CR1L: variants seen among roughly 807,000 people sequenced by gnomAD.
The protein encoded by CR1L is complement C3b/C4b receptor 1 like.
Under a neutral mutation model 62.3 loss-of-function variants are expected in CR1L, and 59 were observed. That is an observed-to-expected ratio of 0.95 (90% CI 0.77 to 1.18). CR1L has a LOEUF of 1.18. CR1L is among the 50% of genes most tolerant of loss of function. The pLI is 0.00. For missense variants in CR1L, 700 were observed against 702.8 expected, an observed-to-expected ratio of 1.00 and a Z score of 0.04; for synonymous variants, 279 against 248.7, an observed-to-expected ratio of 1.12 and a Z score of -1.15.
chr1:207,704,421 T>C lies in CR1L; in HGVS notation c.1328+2803T>C, dbSNP rs867609319. Among the ~76,000 whole-genome samples the C allele has an allele frequency of 3.9e-5, 6 of 152,314 alleles. 1 individual carries two copies. In the Middle Eastern group the frequency reaches 0.014, roughly 345 times the overall value. ...TAAAATGACCACAAATTTAGAATATTACATAAACTAAGTTGATAAAGCAGC... is the reference window on the plus strand; with the variant it reads ...TAAAATGACCACAAATTTAGAATATCACATAAACTAAGTTGATAAAGCAGC... On this transcript the variant is annotated intron_variant, in intron 9 of 11. Transcript: ENST00000508064.
At position 207,723,541 on chromosome 1, in the gene CR1L, T is replaced by A. The variant is rs1654184186; in HGVS notation, c.1643-77T>A. ...GTCCTGAATAAAAATCAGGATAAAT[T>A]GTCACTGGCTGAGAAGTCCTGTTCA... On this transcript the variant is annotated intron_variant, in intron 11 of 11. Transcript: ENST00000508064. The A allele has an allele frequency of 2.5e-6, 3 of 1,217,912 alleles. No individual in the cohort carries two copies. In the East Asian group the frequency reaches 7.5e-5, roughly 30 times the overall value. The allele number at this position is 1,217,912 out of a possible 1,614,324, so 75.4% of individuals were successfully genotyped here.
intron 1 of CR1L, among the ~76,000 whole-genome samples, chr1:207,656,378 G>C (rs1663310838): frequency 6.6e-6 from 1 of 152,218 alleles, no homozygotes; most frequent in African/African-American, 2.4e-5. Context: ...TTCTCAGCTA[G>C]CGCTCAGTTA....
chr1:207,662,711 A>G (rs112650531), intron 1 of CR1L, among the ~76,000 whole-genome samples: 12,427 of 152,190 alleles, frequency 0.082, 704 homozygotes, highest in Admixed American at 0.14. Flanking sequence ...CCTTTGGAGG[A>G]GGAGAAGCGC....
intron 9 of CR1L, among the ~76,000 whole-genome samples, chr1:207,703,992 A>G (rs776565539): frequency 2.0e-5 from 3 of 152,168 alleles, no homozygotes. Flanking sequence ...AAAAAAATAC[A>G]TTTTGTAAGG....
At chr1:207,699,968 C>T (rs1664166253) in intron 8 of CR1L, among the ~76,000 whole-genome samples, 1 of 152,066 alleles carries the variant, frequency 6.6e-6, no homozygotes, top group Non-Finnish European at 1.5e-5. Context: ...TTTGAGACTC[C>T]ATAAATTCTC....
intron 8 of CR1L, among the ~76,000 whole-genome samples, chr1:207,699,871 A>G (rs1377387330): frequency 6.6e-6 from 1 of 152,202 alleles, no homozygotes; most frequent in Non-Finnish European, 1.5e-5. Context: ...CAAGGAAAAA[A>G]ATAAGCAAAT....
At chr1:207,683,000 C>CTTT (rs1558017884) in intron 3 of CR1L, among the ~76,000 whole-genome samples, 2 of 132,926 alleles carry the variant, frequency 1.5e-5, no homozygotes, top group Non-Finnish European at 3.4e-5. Flanking sequence ...TTTTTTCTTT[C>CTTT]TTTCTTTCTT....
intron 1 of CR1L, among the ~76,000 whole-genome samples, chr1:207,656,006 A>C (rs897911111): frequency 4.6e-5 from 7 of 152,174 alleles, no homozygotes; most frequent in African/African-American, 1.7e-4. Context: ...TGGGAGGCCG[A>C]CGCGGGTGGA....
At chr1:207,706,636 T>A (rs1664272278) in intron 9 of CR1L, among the ~76,000 whole-genome samples, 1 of 152,174 alleles carries the variant, frequency 6.6e-6, no homozygotes. Context: ...CCACATTGAT[T>A]CTACACAACA....
chr1:207,666,475 G>T (rs1346467880), intron 1 of CR1L, among the ~76,000 whole-genome samples: 1 of 152,140 alleles, frequency 6.6e-6, no homozygotes, highest in Non-Finnish European at 1.5e-5. Context: ...TGATAGACTG[G>T]ATAAAGAAAA....
intron 10 of CR1L, among the ~76,000 whole-genome samples, chr1:207,713,574 C>A (rs1653876314): frequency 6.6e-6 from 1 of 152,218 alleles, no homozygotes; most frequent in African/African-American, 2.4e-5. Context: ...TGATGCAGAG[C>A]CCATGGCTGC....
intron 9 of CR1L, among the ~76,000 whole-genome samples, chr1:207,705,389 T>C (rs1284579707): frequency 6.6e-6 from 1 of 152,168 alleles, no homozygotes; most frequent in Non-Finnish European, 1.5e-5. Flanking sequence ...AAATGTCAAG[T>C]GTCAGGTGCT....
At chr1:207,658,743 C>T (rs1364586532) in intron 1 of CR1L, 1 of 152,306 alleles carries the variant, frequency 6.6e-6, no homozygotes, top group East Asian at 1.9e-4. Context: ...GGGGGAGCAC[C>T]ATGCCCCCCA....
Position 207,699,270 on chromosome 1 carries a change from T to C in CR1L, c.1224T>C (p.Cys408=). The C allele has an allele frequency of 2.5e-6, 4 of 1,613,740 alleles. No individual in the cohort carries two copies. Among genetic ancestry groups the C allele is most frequent in the Non-Finnish European group, 3.4e-6 (4 of 1,179,644 alleles). Residue 408 remains cysteine, a synonymous_variant, in exon 8 of 12, where the codon TGT becomes TGC. Transcript: ENST00000508064. Reference sequence around the variant, plus strand: ...TTTGGAATAGCAGTGTTCCAGTGTGTGAACGTAAGTAATAGGAGTAACATT... The same window carrying C: ...TTTGGAATAGCAGTGTTCCAGTGTGCGAACGTAAGTAATAGGAGTAACATT... ...ESLWNSSVPV[C]ERKSCETPPV... is the part of the protein sequence containing the mutation.
intron 1 of CR1L, among the ~76,000 whole-genome samples, chr1:207,676,085 A>C (rs908330665): frequency 3.9e-5 from 6 of 152,214 alleles, no homozygotes; most frequent in Non-Finnish European, 5.9e-5. Flanking sequence ...CATACTTTAC[A>C]AGAAAGTATG....
chr1:207,683,674 C>T (rs1053919723), intron 3 of CR1L, among the ~76,000 whole-genome samples, 198 bp from the exon 4 acceptor site: 10 of 151,978 alleles, frequency 6.6e-5, no homozygotes, highest in Admixed American at 2.6e-4. Context: ...AAGAGAAATC[C>T]CATCCAACTG....
At chr1:207,703,034 G>A (rs1194935196) in intron 9 of CR1L, among the ~76,000 whole-genome samples, 1 of 152,184 alleles carries the variant, frequency 6.6e-6, no homozygotes, top group Non-Finnish European at 1.5e-5. Context: ...CCGAGATTGT[G>A]CCACTGCACT....
chr1:207,709,895 T>C (rs974474831), intron 10 of CR1L, among the ~76,000 whole-genome samples: 2 of 150,274 alleles, frequency 1.3e-5, no homozygotes, highest in African/African-American at 4.9e-5. Context: ...AGCAAAGTAA[T>C]GTTAACTACG....
intron 1 of CR1L, among the ~76,000 whole-genome samples, chr1:207,653,506 T>C (rs1057443343): frequency 6.6e-6 from 1 of 152,190 alleles, no homozygotes; most frequent in Non-Finnish European, 1.5e-5. Context: ...AGAGTTAAAG[T>C]AGGGCTCACA....
Sources: allele counts gnomAD v4.1 joint callset (sites outside exome capture counted in the v4.1 genomes callset), GRCh38; gene constraint gnomAD v4.1.1; transcripts MANE v1.5; gene names NCBI Gene and HGNC (gene_info 2026-07-23, HGNC 2026-07-21).